The following RNF144A variants were observed in gnomAD, a reference collection of about 807,000 sequenced individuals.
RNF144A encodes the protein ring finger protein 144A, also known as E3 ubiquitin-protein ligase RNF144A.
Under a neutral mutation model 38.7 loss-of-function variants are expected in RNF144A, and 11 were observed. The observed-to-expected ratio is 0.28, with a 90% confidence interval of 0.18 to 0.47. RNF144A has a LOEUF of 0.47. RNF144A is among the 20% of genes least tolerant of loss of function. RNF144A has a pLI of 0.99. For synonymous variants in RNF144A, 149 were observed against 143.9 expected, an observed-to-expected ratio of 1.04 and a Z score of -0.25; for missense variants, 316 against 377.2, an observed-to-expected ratio of 0.84 and a Z score of 1.34.
intron 2 of RNF144A, among the ~76,000 whole-genome samples, chr2:6,985,441 C>G (rs1460318226): frequency 6.6e-6 from 1 of 152,054 alleles, no homozygotes; most frequent in East Asian, 1.9e-4. Context: ...TCCTAGGAAC[C>G]TAATTCTGGT....
intron 6 of RNF144A, among the ~76,000 whole-genome samples, chr2:7,021,480 C>T (rs1477903809): frequency 6.6e-6 from 1 of 152,200 alleles, no homozygotes; most frequent in African/African-American, 2.4e-5. Context: ...CCCTGCCACA[C>T]ACCCCTGGTC....
chr2:7,047,502 C>T (rs114711661), downstream of RNF144A, among the ~76,000 whole-genome samples: 25 of 152,290 alleles, frequency 1.6e-4, no homozygotes, highest in South Asian at 1.0e-3. Context: ...CATCACATCT[C>T]GTGAGACTTC....
chr2:6,957,750 G>A (rs1288760047), intron 2 of RNF144A, among the ~76,000 whole-genome samples: 4 of 152,214 alleles, frequency 2.6e-5, no homozygotes, highest in African/African-American at 9.7e-5. Context: ...ACACTGAAAG[G>A]CATATTCTGA....
At chr2:7,060,366 A>C (rs1673905142) in intron 6 of RNF144A, among the ~76,000 whole-genome samples, 1 of 152,012 alleles carries the variant, frequency 6.6e-6, no homozygotes, top group African/African-American at 2.4e-5. Flanking sequence ...AAGAGAGCAC[A>C]TGTGCTGTTC....
intron 3 of RNF144A, among the ~76,000 whole-genome samples, chr2:7,001,563 G>A (rs1670105773): frequency 6.6e-6 from 1 of 151,988 alleles, no homozygotes; most frequent in Admixed American, 6.6e-5. Context: ...TGTGGCCCCA[G>A]CTACTCAGGA....
chr2:7,013,018 G>A (rs995481271), intron 3 of RNF144A, among the ~76,000 whole-genome samples: 3 of 151,856 alleles, frequency 2.0e-5, no homozygotes, highest in African/African-American at 7.3e-5. Context: ...GAAAAGCTTT[G>A]GGAAGTGGCT....
downstream of RNF144A, among the ~76,000 whole-genome samples, chr2:7,068,806 T>G (rs150773268): frequency 7.4e-3 from 1,134 of 152,326 alleles, 9 homozygotes; most frequent in Middle Eastern, 0.048. Flanking sequence ...AATGTGGAGA[T>G]GGCCATTACG....
At chr2:6,950,320 G>A (rs775083388) in intron 2 of RNF144A, among the ~76,000 whole-genome samples, 8 of 152,124 alleles carry the variant, frequency 5.3e-5, no homozygotes, top group Non-Finnish European at 8.8e-5. Flanking sequence ...AGGTAGACTT[G>A]CTCACTCAGT....
intron 2 of RNF144A, among the ~76,000 whole-genome samples, chr2:6,967,361 G>C (rs1395299880): frequency 6.6e-6 from 1 of 152,222 alleles, no homozygotes; most frequent in Non-Finnish European, 1.5e-5. Context: ...AACTTCCCTT[G>C]GGGCGTGTGA....
At chr2:6,933,673 GT>G (rs146567195) in intron 1 of RNF144A, among the ~76,000 whole-genome samples, 2 of 149,090 alleles carry the variant, frequency 1.3e-5, no homozygotes. Context: ...TTGCCCACAG[GT>G]TTTTTTTTTA....
At chr2:7,054,816 C>T (rs944368510) in intron 6 of RNF144A, among the ~76,000 whole-genome samples, 1 of 152,174 alleles carries the variant, frequency 6.6e-6, no homozygotes, top group African/African-American at 2.4e-5. Context: ...ATCAATTACC[C>T]AGTCTAAGGT....
intron 1 of RNF144A, among the ~76,000 whole-genome samples, chr2:6,924,813 C>T (rs745606759): frequency 7.2e-5 from 11 of 152,260 alleles, no homozygotes; most frequent in Non-Finnish European, 1.2e-4. Flanking sequence ...TTTGTGTTCA[C>T]TGTATTCTCT....
intron 5 of RNF144A, among the ~76,000 whole-genome samples, chr2:7,019,577 C>T (rs1296294475): frequency 6.6e-6 from 1 of 152,198 alleles, no homozygotes; most frequent in Non-Finnish European, 1.5e-5. Context: ...GGAAATAGCC[C>T]ACATTGCACT....
At chr2:7,057,143 T>A (rs1673773797) in intron 6 of RNF144A, among the ~76,000 whole-genome samples, 1 of 152,266 alleles carries the variant, frequency 6.6e-6, no homozygotes, top group Admixed American at 6.5e-5. Context: ...AAAGCTGTCA[T>A]GCTCTGTCTC....
intron 3 of RNF144A, among the ~76,000 whole-genome samples, chr2:7,005,513 G>T (rs1670379716): frequency 6.6e-6 from 1 of 152,170 alleles, no homozygotes; most frequent in Non-Finnish European, 1.5e-5. Flanking sequence ...CAGGGCTGTT[G>T]CAAAGAGCGA....
chr2:7,014,866 G>A (rs954411020), intron 5 of RNF144A, 94 bp downstream of exon 5: 12 of 853,666 alleles, frequency 1.4e-5, no homozygotes, highest in African/African-American at 1.4e-4. Context: ...TGGTTATACA[G>A]CATTTGATAG....
At chr2:6,998,021 G>A (rs552783079) in intron 3 of RNF144A, among the ~76,000 whole-genome samples, 11 of 152,116 alleles carry the variant, frequency 7.2e-5, no homozygotes, top group Middle Eastern at 3.4e-3. Context: ...ATGTATACAC[G>A]TATACAAAAA....
At chr2:7,017,321 G>GTT (rs60629488) in intron 5 of RNF144A, among the ~76,000 whole-genome samples, 18,770 of 145,592 alleles carry the variant, frequency 0.13, 1,929 homozygotes, top group East Asian at 0.55. Flanking sequence ...TTTGTTCTTT[G>GTT]TTTTTTTTTT....
At chr2:7,059,812 G>C (rs1456619514) in intron 6 of RNF144A, among the ~76,000 whole-genome samples, 1 of 152,216 alleles carries the variant, frequency 6.6e-6, no homozygotes, top group Non-Finnish European at 1.5e-5. Flanking sequence ...GAAAGGGTGA[G>C]AGAGAATCAC....
Sources: allele counts gnomAD v4.1 joint callset (sites outside exome capture counted in the v4.1 genomes callset), GRCh38; gene constraint gnomAD v4.1.1; transcripts MANE v1.5; gene names NCBI Gene and HGNC (gene_info 2026-07-23, HGNC 2026-07-21).